GARIN5A: variants seen among roughly 807,000 people sequenced by gnomAD.
GARIN5A encodes the protein golgi associated RAB2 interactor 5A.
chr19:50,475,573 G>A, the GARIN5A span: 1 of 966,808 alleles, frequency 1.0e-6, no homozygotes, highest in Non-Finnish European at 1.5e-6. Context: ...TTGAAAATCA[G>A]GCTGGGGGCC....
the GARIN5A span, among the ~76,000 whole-genome samples, chr19:50,470,849 T>C: frequency 6.6e-6 from 1 of 151,388 alleles, no homozygotes. Flanking sequence ...AGAGAGGGGG[T>C]TTCACTATGT....
the GARIN5A span, among the ~76,000 whole-genome samples, chr19:50,472,022 A>G: frequency 4.9e-5 from 7 of 144,228 alleles, no homozygotes; most frequent in Admixed American, 2.0e-4. Context: ...ACGTGTGTAT[A>G]TGTATATGTA....
chr19:50,469,477 G>T, the GARIN5A span, among the ~76,000 whole-genome samples: 1 of 152,224 alleles, frequency 6.6e-6, no homozygotes, highest in Non-Finnish European at 1.5e-5. Flanking sequence ...CTCCTGGAGG[G>T]CAGGGAGTTC....
At chr19:50,476,683 G>C in the GARIN5A span, 1 of 1,418,666 alleles carries the variant, frequency 7.0e-7, no homozygotes, top group Non-Finnish European at 9.3e-7. Context: ...GCTGTGCATA[G>C]CGGGCGCGGT....
At chr19:50,476,499 G>T in the GARIN5A span, 2 of 1,570,860 alleles carry the variant, frequency 1.3e-6, no homozygotes, top group African/African-American at 1.4e-5. Flanking sequence ...CGTGCTCCGC[G>T]GCTCTTGGCT....
At chr19:50,476,484 C>G in the GARIN5A span, 1 of 1,575,094 alleles carries the variant, frequency 6.3e-7, no homozygotes, top group Non-Finnish European at 8.6e-7. Context: ...GCCTGTTCCT[C>G]CCGGCGTGCT....
the GARIN5A span, among the ~76,000 whole-genome samples, chr19:50,474,074 G>A: frequency 6.6e-6 from 1 of 152,188 alleles, no homozygotes; most frequent in Non-Finnish European, 1.5e-5. Context: ...GTTGGGGCAG[G>A]AGCCTTGGGT....
chr19:50,471,614 GTA>G, the GARIN5A span, among the ~76,000 whole-genome samples: 3 of 151,818 alleles, frequency 2.0e-5, no homozygotes, highest in African/African-American at 4.8e-5. Context: ...ATATATGTGT[GTA>G]TATATATGTG....
At chr19:50,471,392 C>T in the GARIN5A span, among the ~76,000 whole-genome samples, 2 of 152,134 alleles carry the variant, frequency 1.3e-5, no homozygotes, top group East Asian at 3.9e-4. Flanking sequence ...CCTCAGCCTC[C>T]TGAGTAGCTG....
the GARIN5A span, among the ~76,000 whole-genome samples, chr19:50,471,801 T>TGC: frequency 4.0e-5 from 6 of 148,390 alleles, no homozygotes; most frequent in East Asian, 4.2e-4. Context: ...CATGCATGTG[T>TGC]ATACGCATAC....
the GARIN5A span, among the ~76,000 whole-genome samples, chr19:50,472,142 G>GTGTGTGTATA: frequency 6.4e-5 from 7 of 109,328 alleles, 1 homozygote; most frequent in Non-Finnish European, 1.1e-4. Context: ...GTATATGTAT[G>GTGTGTGTATA]TATACGTGTG....
the GARIN5A span, among the ~76,000 whole-genome samples, chr19:50,471,706 ACGTG>A: frequency 1.3e-5 from 2 of 149,920 alleles, no homozygotes; most frequent in Admixed American, 6.7e-5. Flanking sequence ...GCATACATGC[ACGTG>A]TGTGTATACG....
chr19:50,476,423 C>G, the GARIN5A span: 1 of 1,547,050 alleles, frequency 6.5e-7, no homozygotes, highest in Non-Finnish European at 8.7e-7. Flanking sequence ...CGGACGGGTG[C>G]CAGTGCGCAG....
At chr19:50,467,514 T>G in the GARIN5A span, 1 of 1,322,986 alleles carries the variant, frequency 7.6e-7, no homozygotes, top group East Asian at 2.5e-5. Flanking sequence ...ACACCTCCCC[T>G]CTGCCCTCTG....
chr19:50,476,438 C>T, the GARIN5A span: 186 of 1,550,502 alleles, frequency 1.2e-4, no homozygotes, highest in African/African-American at 1.6e-3. Flanking sequence ...GCGCAGGTGC[C>T]GGGGCCCAGC....
At chr19:50,471,635 T>C in the GARIN5A span, among the ~76,000 whole-genome samples, 7 of 131,030 alleles carry the variant, frequency 5.3e-5, no homozygotes, top group South Asian at 1.2e-3. Flanking sequence ...TGTGTATACA[T>C]GTGTGTATAT....
At chr19:50,472,090 A>ATGTATGTATACGTG in the GARIN5A span, among the ~76,000 whole-genome samples, 3 of 113,282 alleles carry the variant, frequency 2.6e-5, no homozygotes, top group African/African-American at 1.1e-4. Flanking sequence ...ATGTGTGTAT[A>ATGTATGTATACGTG]TGTATATGTA....
At chr19:50,473,246 G>C in the GARIN5A span, among the ~76,000 whole-genome samples, 1 of 152,204 alleles carries the variant, frequency 6.6e-6, no homozygotes, top group Non-Finnish European at 1.5e-5. Flanking sequence ...GGACCTTCAT[G>C]TGTGCATGTG....
chr19:50,467,598 C>G, the GARIN5A span: 1 of 1,549,972 alleles, frequency 6.5e-7, no homozygotes, highest in African/African-American at 1.4e-5. Flanking sequence ...CATCATCACC[C>G]TCCCCATCTA....
Sources: allele counts gnomAD v4.1 joint callset (sites outside exome capture counted in the v4.1 genomes callset), GRCh38; gene constraint gnomAD v4.1.1; transcripts MANE v1.5; gene names NCBI Gene and HGNC (gene_info 2026-07-23, HGNC 2026-07-21).